PCDH9: variants seen among roughly 807,000 people sequenced by gnomAD.
The protein encoded by PCDH9 is protocadherin 9, also known as protocadherin-9.
In PCDH9, 24 loss-of-function variants were observed where a neutral mutation model predicts 70.6. That is an observed-to-expected ratio of 0.34 (90% CI 0.25 to 0.48). The LOEUF is 0.48. Ranked by LOEUF, PCDH9 falls within the 20% of genes least tolerant of loss-of-function variation. The pLI is 0.99. For missense variants in PCDH9, 1,281 were observed against 1,503.6 expected (o/e 0.85, Z 2.45); for synonymous variants, 562 against 558.5 (o/e 1.01, Z -0.09).
chr13:66,590,365 C>G (rs918230799), intron 4 of PCDH9, among the ~76,000 whole-genome samples: 1 of 151,804 alleles, frequency 6.6e-6, no homozygotes, highest in African/African-American at 2.4e-5. Context: ...TGATTAATAA[C>G]TCCAACTAAT....
chr13:66,538,209 G>T (rs773047902), intron 4 of PCDH9, among the ~76,000 whole-genome samples: 4 of 152,058 alleles, frequency 2.6e-5, no homozygotes, highest in Non-Finnish European at 4.4e-5. Context: ...AAAGAAAGAT[G>T]ATGCGGTAAC....
chr13:66,512,295 T>G (rs1227320877), intron 4 of PCDH9, among the ~76,000 whole-genome samples: 1 of 149,942 alleles, frequency 6.7e-6, no homozygotes, highest in East Asian at 1.9e-4. Flanking sequence ...TATATATATA[T>G]ATATATATAC....
intron 4 of PCDH9, among the ~76,000 whole-genome samples, chr13:66,553,711 C>T (rs1455935500): frequency 6.6e-6 from 1 of 152,100 alleles, no homozygotes; most frequent in East Asian, 1.9e-4. Context: ...TACCAAGTAC[C>T]TCTTGTATAT....
At chr13:66,864,117 A>T (rs923398876) in intron 3 of PCDH9, among the ~76,000 whole-genome samples, 2 of 152,144 alleles carry the variant, frequency 1.3e-5, no homozygotes, top group African/African-American at 4.8e-5. Context: ...TCCTCCCAGG[A>T]CACATGGGAA....
intron 4 of PCDH9, among the ~76,000 whole-genome samples, chr13:66,565,361 A>G (rs2076638326): frequency 6.6e-6 from 1 of 152,210 alleles, no homozygotes. Flanking sequence ...TTCCATTTTC[A>G]TGAACAATGT....
intron 3 of PCDH9, among the ~76,000 whole-genome samples, chr13:66,854,528 G>A (rs1229611725): frequency 6.6e-6 from 1 of 152,002 alleles, no homozygotes; most frequent in Non-Finnish European, 1.5e-5. Flanking sequence ...TTTGAGTCAC[G>A]GATGCACATG....
At chr13:66,916,209 A>G (rs1329746960) in intron 2 of PCDH9, among the ~76,000 whole-genome samples, 1 of 151,682 alleles carries the variant, frequency 6.6e-6, no homozygotes, top group Non-Finnish European at 1.5e-5. Flanking sequence ...CCCGTATTTT[A>G]AATTATATGT....
At chr13:66,335,332 G>A (rs757404417) in intron 4 of PCDH9, among the ~76,000 whole-genome samples, 28 of 151,850 alleles carry the variant, frequency 1.8e-4, no homozygotes, top group Non-Finnish European at 2.2e-4. Flanking sequence ...TCTTAAAATC[G>A]AGCTTGCTCT....
At chr13:66,467,697 G>C (rs1338614643) in intron 4 of PCDH9, among the ~76,000 whole-genome samples, 1 of 151,802 alleles carries the variant, frequency 6.6e-6, no homozygotes, top group African/African-American at 2.4e-5. Context: ...CTTTTGAATG[G>C]ATCCTGTATG....
chr13:66,613,690 G>C (rs2077321017), intron 4 of PCDH9, among the ~76,000 whole-genome samples: 1 of 152,140 alleles, frequency 6.6e-6, no homozygotes, highest in Non-Finnish European at 1.5e-5. Flanking sequence ...TCTCTTCAAG[G>C]GTTCCACCCA....
At chr13:66,779,873 A>ATATATATATATATGTGTG (rs375882917) in intron 3 of PCDH9, among the ~76,000 whole-genome samples, 3 of 115,870 alleles carry the variant, frequency 2.6e-5, no homozygotes, top group South Asian at 3.0e-4. Flanking sequence ...ATATACATAT[A>ATATATATATATATGTGTG]TGTGTGTGTG....
At chr13:66,812,911 C>T (rs978412042) in intron 3 of PCDH9, among the ~76,000 whole-genome samples, 4 of 152,150 alleles carry the variant, frequency 2.6e-5, no homozygotes, top group East Asian at 1.9e-4. Flanking sequence ...CTTGTCCCAA[C>T]GCCATCCTAA....
chr13:66,550,354 T>C (rs1179410451), intron 4 of PCDH9, among the ~76,000 whole-genome samples: 2 of 152,082 alleles, frequency 1.3e-5, no homozygotes, highest in African/African-American at 2.4e-5. Flanking sequence ...ATAAGCTTTC[T>C]CAGAAACAAA....
chr13:67,002,574 T>TAA (rs548398760), intron 2 of PCDH9, among the ~76,000 whole-genome samples: 13,400 of 150,798 alleles, frequency 0.089, 700 homozygotes, highest in Non-Finnish European at 0.12. Flanking sequence ...TTTAAGAAGA[T>TAA]AAAAAAAAAC....
chr13:67,020,769 A>C (rs959885105), intron 2 of PCDH9, among the ~76,000 whole-genome samples: 3 of 152,224 alleles, frequency 2.0e-5, no homozygotes, highest in Admixed American at 2.0e-4. Flanking sequence ...AATCATCATC[A>C]TAACACCAGT....
At chr13:67,137,528 C>T (rs1437472139) in intron 2 of PCDH9, among the ~76,000 whole-genome samples, 2 of 152,122 alleles carry the variant, frequency 1.3e-5, no homozygotes, top group Non-Finnish European at 2.9e-5. Flanking sequence ...AGAGATGACT[C>T]AACTTCTACA....
intron 4 of PCDH9, among the ~76,000 whole-genome samples, chr13:66,445,019 C>T (rs1284576733): frequency 1.4e-5 from 2 of 147,518 alleles, no homozygotes; most frequent in Non-Finnish European, 3.0e-5. Context: ...TTGTAACACA[C>T]GATGATTGTG....
In PCDH9 at chr13:67,228,372, A is replaced by T. The variant is rs527397248; in HGVS notation, c.69T>A (p.Ala23=). ...IACLRLDSAI[A]QELIYTIREE... ...CTCTAATAGTGTAAATAAGTTCTTG[A>T]GCTATTGCGGAATCCAGCCTTAAAC... Residue 23 remains alanine, a synonymous_variant, in exon 2 of 5, where the codon GCT becomes GCA. Transcript: ENST00000377865. The T allele has an allele frequency of 1.7e-5, 27 of 1,613,246 alleles. No individual in the cohort carries two copies. In the African/African-American group the frequency reaches 3.2e-4, roughly 19 times the overall value.
In PCDH9 at chr13:67,105,596, G is replaced by A. The variant is rs118137513; in HGVS notation, c.3036+119809C>T. ...AAAGACATGATTTTTATGAGTGATA[G>A]GAGAAATGATGCAGCATCTTTTTAA... On this transcript the variant is annotated intron_variant, in intron 2 of 4. Transcript: ENST00000377865. 3.4e-3 allele frequency among the ~76,000 whole-genome samples: 515 copies of A among 152,132 alleles called. 3 individuals carry two copies. Among genetic ancestry groups the A allele is most frequent in the Admixed American group, 7.4e-3 (113 of 15,292 alleles).
Sources: allele counts gnomAD v4.1 joint callset (sites outside exome capture counted in the v4.1 genomes callset), GRCh38; gene constraint gnomAD v4.1.1; transcripts MANE v1.5; gene names NCBI Gene and HGNC (gene_info 2026-07-23, HGNC 2026-07-21).